The following PRIM2 variants were observed in gnomAD, a reference collection of about 807,000 sequenced individuals.
PRIM2 encodes the protein DNA primase subunit 2, also known as DNA primase large subunit.
A neutral mutation model predicts 67.3 loss-of-function variants in PRIM2; 39 were observed. The observed-to-expected ratio is 0.58, with a 90% CI of 0.45 to 0.76. The LOEUF is 0.76. PRIM2 is among the 30% of genes least tolerant of loss of function. The pLI is 0.00. For missense variants in PRIM2, 398 were observed against 598.7 expected (o/e 0.66, Z 3.50); for synonymous variants, 143 against 198.7 (o/e 0.72, Z 2.36).
intron 10 of PRIM2, among the ~76,000 whole-genome samples, chr6:57,591,947 A>C (rs1262626083): frequency 5.3e-5 from 8 of 152,352 alleles, no homozygotes; most frequent in Admixed American, 4.6e-4. Flanking sequence ...GAATTAGATA[A>C]AGAAAATATG....
At chr6:57,521,263 T>C (rs1212590429) in intron 8 of PRIM2, among the ~76,000 whole-genome samples, 1 of 151,958 alleles carries the variant, frequency 6.6e-6, no homozygotes, top group African/African-American at 2.4e-5. Flanking sequence ...CAGGAAATGA[T>C]ATATTGTAGC....
chr6:57,640,241 TAGTA>T (rs1777206008), intron 13 of PRIM2, among the ~76,000 whole-genome samples: 1 of 152,118 alleles, frequency 6.6e-6, no homozygotes, highest in Non-Finnish European at 1.5e-5. Context: ...TATCTCAAAA[TAGTA>T]AGAGCTATTT....
intron 5 of PRIM2, among the ~76,000 whole-genome samples, chr6:57,333,132 A>G (rs1468626682): frequency 6.6e-6 from 1 of 152,052 alleles, no homozygotes; most frequent in African/African-American, 2.4e-5. Flanking sequence ...TAGTGTACAA[A>G]CTTTTGTTCC....
At chr6:57,483,407 C>A (rs1322640985) in intron 7 of PRIM2, among the ~76,000 whole-genome samples, 2 of 152,066 alleles carry the variant, frequency 1.3e-5, no homozygotes, top group Non-Finnish European at 2.9e-5. Flanking sequence ...AAGGGACACA[C>A]ACATATCTAC....
chr6:57,631,121 C>G (rs1777031446), intron 12 of PRIM2, among the ~76,000 whole-genome samples: 1 of 151,748 alleles, frequency 6.6e-6, no homozygotes, highest in African/African-American at 2.4e-5. Flanking sequence ...TGTTCTGTAA[C>G]TAATTTTTTT....
chr6:57,529,557 G>A (rs1463802282), intron 8 of PRIM2, among the ~76,000 whole-genome samples: 1 of 152,174 alleles, frequency 6.6e-6, no homozygotes, highest in Non-Finnish European at 1.5e-5. Context: ...TTGTGCTACT[G>A]CAATTAATGG....
chr6:57,642,435 C>CTTTTTTTTTTTTTTTT lies in PRIM2; in HGVS notation c.1300-3483_1300-3468dup, dbSNP rs1156576933. Among the ~76,000 whole-genome samples the CTTTTTTTTTTTTTTTT allele has an allele frequency of 4.0e-4, 33 of 83,184 alleles. 1 individual carries two copies. Among genetic ancestry groups the CTTTTTTTTTTTTTTTT allele is most frequent in the Non-Finnish European group, 5.1e-4 (24 of 47,414 alleles). The allele number at this position is 83,184 out of a possible 152,430, so 54.6% of individuals were successfully genotyped here. ...TATGCACATACCTTAAATATTATAT[C>CTTTTTTTTTTTTTTTT]TTTTTTTTTTTTTTTTTTTTTTTTT... On this transcript the variant is annotated intron_variant, in intron 13 of 13. Transcript: ENST00000615550.
chr6:57,281,815 C>T, the PRIM2 span, among the ~76,000 whole-genome samples: 1 of 152,134 alleles, frequency 6.6e-6, no homozygotes, highest in African/African-American at 2.4e-5. Flanking sequence ...GATAAGTGAT[C>T]TGCAGGCATT....
chr6:57,422,571 A>G (rs1407873220), intron 7 of PRIM2, among the ~76,000 whole-genome samples: 1 of 152,206 alleles, frequency 6.6e-6, no homozygotes, highest in Non-Finnish European at 1.5e-5. Flanking sequence ...TAATGTAAAG[A>G]TACATCAATG....
intron 7 of PRIM2, among the ~76,000 whole-genome samples, chr6:57,420,214 T>C (rs1189088997): frequency 6.6e-6 from 1 of 152,180 alleles, no homozygotes; most frequent in Non-Finnish European, 1.5e-5. Context: ...ACTTTAAGAA[T>C]AGTTTTTTGG....
chr6:57,597,986 A>T (rs2127490579), intron 10 of PRIM2, among the ~76,000 whole-genome samples: 1 of 152,200 alleles, frequency 6.6e-6, no homozygotes, highest in East Asian at 1.9e-4. Context: ...TAAGCTTTCT[A>T]CAGTATCCAT....
intron 9 of PRIM2, among the ~76,000 whole-genome samples, chr6:57,534,148 C>T (rs1325702540): frequency 1.3e-5 from 2 of 152,186 alleles, no homozygotes; most frequent in Non-Finnish European, 2.9e-5. Context: ...TGGGCCTCTT[C>T]AAGTAGAGAC....
At chr6:57,362,399 G>A (rs1581828754) in intron 5 of PRIM2, among the ~76,000 whole-genome samples, 4 of 152,066 alleles carry the variant, frequency 2.6e-5, no homozygotes, top group Middle Eastern at 6.8e-3. Context: ...TTGAATAAAC[G>A]TGGCTGCATC....
At chr6:57,483,422 A>G (rs1448956877) in intron 7 of PRIM2, among the ~76,000 whole-genome samples, 13 of 152,312 alleles carry the variant, frequency 8.5e-5, no homozygotes, top group African/African-American at 3.1e-4. Flanking sequence ...ATCTACCCAT[A>G]TATCTTGCCA....
chr6:57,598,552 G>A (rs1251836103), intron 10 of PRIM2, among the ~76,000 whole-genome samples: 1 of 152,122 alleles, frequency 6.6e-6, no homozygotes, highest in Admixed American at 6.5e-5. Flanking sequence ...GGTGTGGGTT[G>A]TTATGCCAGA....
chr6:57,250,815 G>T, the PRIM2 span, among the ~76,000 whole-genome samples: 3 of 152,224 alleles, frequency 2.0e-5, no homozygotes, highest in South Asian at 6.2e-4. Context: ...TACAGGTTGA[G>T]CATCCCAAAT....
At chr6:57,440,031 C>A (rs368563015) in intron 7 of PRIM2, among the ~76,000 whole-genome samples, 1 of 151,048 alleles carries the variant, frequency 6.6e-6, no homozygotes, top group Non-Finnish European at 1.5e-5. Context: ...AATATATGTT[C>A]TTTTCGGAAA....
chr6:57,257,111 G>A, the PRIM2 span, among the ~76,000 whole-genome samples: 15 of 152,174 alleles, frequency 9.9e-5, no homozygotes, highest in East Asian at 2.7e-3. Context: ...AGAAACAACT[G>A]GTGTATCTTC....
At chr6:57,270,760 G>A in the PRIM2 span, among the ~76,000 whole-genome samples, 1 of 152,220 alleles carries the variant, frequency 6.6e-6, no homozygotes, top group East Asian at 1.9e-4. Flanking sequence ...TATTGGCTGT[G>A]GGTTTGTCAT....
Sources: gnomAD v4.1 joint callset for allele counts (sites outside exome capture counted in the v4.1 genomes callset) on GRCh38, gnomAD v4.1.1 for gene constraint, MANE v1.5 for transcripts, NCBI Gene and HGNC (gene_info 2026-07-23, HGNC 2026-07-21) for gene names.